The following TRAPPC9 variants were observed in gnomAD, a reference collection of about 807,000 sequenced individuals.
TRAPPC9 encodes the protein trafficking protein particle complex subunit 9.
A neutral mutation model predicts 124.0 loss-of-function variants in TRAPPC9; 83 were observed. That is an observed-to-expected ratio of 0.67 (90% confidence interval 0.56 to 0.80). The LOEUF (loss-of-function observed/expected upper bound fraction) is 0.80, where lower values mean the gene tolerates loss of function less well. Ranked by LOEUF, TRAPPC9 falls within the 30% of genes least tolerant of loss-of-function variation. TRAPPC9 has a pLI of 0.00. For missense variants in TRAPPC9, 1,302 were observed against 1,508.3 expected, an observed-to-expected ratio of 0.86 and a Z score of 2.27; for synonymous variants, 638 against 617.5, an observed-to-expected ratio of 1.03 and a Z score of -0.49.
intron 19 of TRAPPC9, among the ~76,000 whole-genome samples, chr8:139,971,670 T>G (rs1836074316): frequency 6.6e-6 from 1 of 151,818 alleles, no homozygotes. Flanking sequence ...TGACATGCAC[T>G]TAACATGAGG....
At chr8:139,749,141 CATCT>C (rs1358543016) in intron 21 of TRAPPC9, among the ~76,000 whole-genome samples, 1 of 152,156 alleles carries the variant, frequency 6.6e-6, no homozygotes, top group African/African-American at 2.4e-5. Flanking sequence ...TCCCCTGCTC[CATCT>C]GTCCCTCCCT....
At chr8:139,850,976 G>A (rs1827406634) in intron 21 of TRAPPC9, among the ~76,000 whole-genome samples, 1 of 152,154 alleles carries the variant, frequency 6.6e-6, no homozygotes. Context: ...CGTGTAAAAA[G>A]AAAACTGCAG....
intron 19 of TRAPPC9, among the ~76,000 whole-genome samples, chr8:139,948,248 AACACACACAC>A (rs141771160): frequency 0.12 from 18,072 of 144,638 alleles, 1,272 homozygotes; most frequent in East Asian, 0.22. Context: ...TGGTTCATAA[AACACACACAC>A]ACACACACAC....
intron 21 of TRAPPC9, among the ~76,000 whole-genome samples, chr8:139,768,443 C>A (rs374506417): frequency 6.6e-6 from 1 of 152,174 alleles, no homozygotes; most frequent in African/African-American, 2.4e-5. Flanking sequence ...CGGGCCACAC[C>A]GACTGCGCTG....
intron 17 of TRAPPC9, among the ~76,000 whole-genome samples, chr8:140,174,995 C>T (rs1223902536): frequency 7.3e-6 from 1 of 136,410 alleles, no homozygotes; most frequent in Non-Finnish European, 1.6e-5. Flanking sequence ...TTCAATGCAC[C>T]TGGGGATTTT....
chr8:140,311,460 C>A, intron 9 of TRAPPC9, 86 bp from the exon 10 acceptor site: 1 of 1,507,964 alleles, frequency 6.6e-7, no homozygotes, highest in Admixed American at 1.7e-5. Flanking sequence ...CATTTCATGA[C>A]AGTCCAGTGA....
chr8:140,408,547 T>C (rs1243284862), intron 5 of TRAPPC9, among the ~76,000 whole-genome samples: 1 of 151,714 alleles, frequency 6.6e-6, no homozygotes, highest in Non-Finnish European at 1.5e-5. Context: ...CAAGAACCAG[T>C]GTGGCAATAA....
Position 140,300,538 on chromosome 8 carries a change from T to C in TRAPPC9, c.1699A>G (p.Thr567Ala), listed in dbSNP as rs533047047. 3 of 1,614,252 alleles carry C rather than the reference T, an allele frequency of 1.9e-6. No individual in the cohort carries two copies. In the East Asian group the frequency reaches 6.7e-5, roughly 36 times the overall value. The change falls in exon 11 of 23, where the codon ACC becomes GCC. Residue 567 changes from threonine to alanine, a missense_variant. Coordinates refer to ENST00000438773, the MANE Select transcript of TRAPPC9 (RefSeq NM_001160372.4). ...GGTGAATAGATGAAAGGACTTTTGG[T>C]TGACACGTTCTGACCCAGCAAGCTT... ...MKSLLGQNVS[T>A]KSPFIYSPII...
At position 139,947,709 on chromosome 8, in the gene TRAPPC9, T is replaced by TA. The variant is rs1453255265; in HGVS notation, c.2811-37410dup. 1.4e-4 allele frequency among the ~76,000 whole-genome samples: 21 copies of TA among 147,378 alleles called. No homozygotes were observed. The East Asian group carries it at 3.2e-3, about 22-fold the overall frequency. On this transcript the variant is annotated intron_variant, in intron 19 of 22. Coordinates refer to ENST00000438773, the MANE Select transcript of TRAPPC9 (RefSeq NM_001160372.4). ...ACCCTGTCTCTACTAAAAATAAAAA[T>TA]AAAAAAAAATTAGCCGGTCATGGTG...
chr8:140,228,072 C>T (rs2063497271), intron 16 of TRAPPC9, among the ~76,000 whole-genome samples: 1 of 152,244 alleles, frequency 6.6e-6, no homozygotes, highest in Admixed American at 6.5e-5. Flanking sequence ...AGGACCCTTG[C>T]AGGGGCTTAG....
intron 21 of TRAPPC9, among the ~76,000 whole-genome samples, chr8:139,863,195 GCT>G (rs1359433177): frequency 6.6e-6 from 1 of 152,228 alleles, no homozygotes; most frequent in Non-Finnish European, 1.5e-5. Context: ...CTCAGCTCTC[GCT>G]CAGGTGGGTC....
At chr8:140,023,567 C>G (rs1256795646) in intron 18 of TRAPPC9, among the ~76,000 whole-genome samples, 1 of 152,194 alleles carries the variant, frequency 6.6e-6, no homozygotes, top group East Asian at 1.9e-4. Context: ...GTCCAGGAGT[C>G]CCTAAGACAT....
rs1329317728 is a variant in TRAPPC9, at chr8:140,182,031, T to C, written c.2556+39428A>G. On this transcript the variant is annotated intron_variant, in intron 17 of 22. Transcript: ENST00000438773. This position sits in a 1 kb window ranked among gnomAD's most constrained non-coding sequence, Gnocchi z 4.0. The stretch of plus-strand genomic sequence containing the variant: ...TCCTGGTCCAATCTGAGGGAAGCCC[T>C]TCATGACTCAGTACCAGGGAGCTGC... Among the ~76,000 whole-genome samples the C allele has an allele frequency of 6.6e-6, 1 of 152,182 alleles. No individual in the cohort carries two copies. Among genetic ancestry groups the C allele is most frequent in the Non-Finnish European group, 1.5e-5 (1 of 68,034 alleles).
In TRAPPC9 at chr8:140,241,449, C is replaced by T. The variant is rs2063853549; in HGVS notation, c.2431+11328G>A. On this transcript the variant is annotated intron_variant, in intron 16 of 22. Transcript: ENST00000438773. The surrounding 1 kb of genome is among the most constrained non-coding windows in gnomAD (Gnocchi z 5.0). The stretch of plus-strand genomic sequence containing the variant: ...CGGTGGCACCCGCCTGTAATCCCAG[C>T]ACTTTGGGAGGCTGAGGTGGGTGAA... Among the ~76,000 whole-genome samples, 1 of 151,732 alleles carries T rather than the reference C, an allele frequency of 6.6e-6. No homozygotes were observed. Among genetic ancestry groups the T allele is most frequent in the South Asian group, 2.1e-4 (1 of 4,816 alleles).
At chr8:139,974,019 C>T (rs989329341) in intron 19 of TRAPPC9, among the ~76,000 whole-genome samples, 54 of 152,302 alleles carry the variant, frequency 3.5e-4, no homozygotes, top group African/African-American at 1.3e-3. Flanking sequence ...GGCCTGACGG[C>T]TCCATGGTCC....
chr8:139,938,059 T>C (rs1412405047), intron 19 of TRAPPC9, among the ~76,000 whole-genome samples: 1 of 152,194 alleles, frequency 6.6e-6, no homozygotes, highest in Non-Finnish European at 1.5e-5. Context: ...GCCACAACCA[T>C]TGAAATATGA....
rs182342996 is a variant in TRAPPC9, at chr8:140,136,926, T to C, written c.2556+84533A>G. ...AGGCCTGATTCCAAAGCAGGAAGCATGTGCTTTGCAGACTTCCCACCTAAT... is the reference window on the plus strand; with the variant it reads ...AGGCCTGATTCCAAAGCAGGAAGCACGTGCTTTGCAGACTTCCCACCTAAT... On this transcript the variant is annotated intron_variant, in intron 17 of 22. Transcript: ENST00000438773. 9.8e-3 allele frequency among the ~76,000 whole-genome samples: 1,487 copies of C among 152,202 alleles called. 93 individuals are homozygous for C. The highest frequency in any genetic ancestry group is 0.086 in the Admixed American group (1,318 of 15,282).
chr8:140,450,750 G>T (rs751603244), intron 2 of TRAPPC9, 40 bp downstream of exon 2: 1 of 1,486,828 alleles, frequency 6.7e-7, no homozygotes, highest in Non-Finnish European at 9.3e-7. Flanking sequence ...CCTTTCTGAT[G>T]CAGGGAAGCC....
At chr8:140,347,756 C>G (rs949337417) in intron 9 of TRAPPC9, among the ~76,000 whole-genome samples, 9 of 152,198 alleles carry the variant, frequency 5.9e-5, no homozygotes, top group African/African-American at 2.2e-4. Context: ...ATTCTCCTTA[C>G]CATTTTAACA....
Sources: gnomAD v4.1 joint callset for allele counts (sites outside exome capture counted in the v4.1 genomes callset) on GRCh38, gnomAD v4.1.1 for gene constraint, Gnocchi (gnomAD v3.1) non-coding constraint, MANE v1.5 for transcripts, NCBI Gene and HGNC (gene_info 2026-07-23, HGNC 2026-07-21) for gene names.